Variants in PTPRD observed in about 807,000 individuals in gnomAD.
PTPRD encodes receptor-type tyrosine-protein phosphatase delta.
In PTPRD, 34 loss-of-function variants were observed where a neutral mutation model predicts 214.5. The observed-to-expected ratio is 0.16, with a 90% CI of 0.12 to 0.21. PTPRD has a LOEUF of 0.21. PTPRD is among the 10% of genes least tolerant of loss of function. The pLI is 1.00. For missense variants in PTPRD, 2,545 were observed against 2,398.7 expected, an observed-to-expected ratio of 1.06 and a Z score of -1.27; for synonymous variants, 1,128 against 845.7, an observed-to-expected ratio of 1.33 and a Z score of -5.79.
At chr9:8,987,676 C>G (rs920907603) in intron 11 of PTPRD, among the ~76,000 whole-genome samples, 1 of 151,982 alleles carries the variant, frequency 6.6e-6, no homozygotes, top group Non-Finnish European at 1.5e-5. Context: ...TACAATAACA[C>G]AATGAATGTG....
At chr9:8,565,851 C>G (rs984110851) in intron 14 of PTPRD, among the ~76,000 whole-genome samples, 2 of 152,080 alleles carry the variant, frequency 1.3e-5, no homozygotes, top group Admixed American at 6.6e-5. Flanking sequence ...CAAAAGCATA[C>G]CTTTTGGAAC....
chr9:10,512,029 TG>T (rs2048416866), intron 2 of PTPRD, among the ~76,000 whole-genome samples: 2 of 54,998 alleles, frequency 3.6e-5, no homozygotes, highest in African/African-American at 2.1e-4. Context: ...TATATATATA[TG>T]TATATATATA....
At chr9:9,807,269 C>T (rs941868512) in intron 5 of PTPRD, among the ~76,000 whole-genome samples, 1 of 152,120 alleles carries the variant, frequency 6.6e-6, no homozygotes, top group Admixed American at 6.6e-5. Context: ...GGAAGATACC[C>T]TACAAATGTG....
chr9:10,554,512 T>G (rs2062030088), intron 2 of PTPRD, among the ~76,000 whole-genome samples: 1 of 152,160 alleles, frequency 6.6e-6, no homozygotes, highest in East Asian at 1.9e-4. Context: ...TATCCACAGT[T>G]TTTTCTTTAA....
chr9:8,534,074 G>A (rs913422401), intron 14 of PTPRD, among the ~76,000 whole-genome samples: 1 of 151,926 alleles, frequency 6.6e-6, no homozygotes, highest in African/African-American at 2.4e-5. Context: ...ACAATCTTTA[G>A]TTTCGTCAGC....
At chr9:9,161,025 G>C (rs1211671049) in intron 10 of PTPRD, among the ~76,000 whole-genome samples, 1 of 152,118 alleles carries the variant, frequency 6.6e-6, no homozygotes, top group Non-Finnish European at 1.5e-5. Context: ...GATTACCAGA[G>C]CCTGGGATAT....
At chr9:8,930,617 G>A (rs935866936) in intron 11 of PTPRD, among the ~76,000 whole-genome samples, 4 of 152,086 alleles carry the variant, frequency 2.6e-5, no homozygotes, top group Non-Finnish European at 5.9e-5. Flanking sequence ...ATCCTCTCCA[G>A]CACCTGTTGT....
intron 7 of PTPRD, among the ~76,000 whole-genome samples, chr9:9,675,831 C>A (rs1020866024): frequency 1.4e-4 from 22 of 151,864 alleles, no homozygotes; most frequent in African/African-American, 5.3e-4. Flanking sequence ...AAACATCGAC[C>A]TAATCTTAAT....
chr9:10,418,189 CT>C (rs2154514689), intron 2 of PTPRD, among the ~76,000 whole-genome samples: 1 of 151,864 alleles, frequency 6.6e-6, no homozygotes, highest in East Asian at 2.0e-4. Flanking sequence ...AATTTCTTCA[CT>C]GACAAAAGCA....
intron 7 of PTPRD, among the ~76,000 whole-genome samples, chr9:9,607,815 G>T (rs936457235): frequency 4.6e-5 from 7 of 151,828 alleles, no homozygotes; most frequent in African/African-American, 1.7e-4. Flanking sequence ...CCGAAGGCTT[G>T]CCCCAAAAGA....
intron 3 of PTPRD, among the ~76,000 whole-genome samples, chr9:10,229,360 C>A (rs1311867030): frequency 6.6e-6 from 1 of 151,888 alleles, no homozygotes; most frequent in African/African-American, 2.4e-5. Context: ...GGGTATATAC[C>A]CAAAGGACTA....
intron 11 of PTPRD, among the ~76,000 whole-genome samples, chr9:8,787,391 C>T (rs935292606): frequency 8.5e-5 from 13 of 152,184 alleles, no homozygotes; most frequent in Non-Finnish European, 1.3e-4. Flanking sequence ...AAACATCCCT[C>T]ATTTCTGACG....
chr9:8,945,662 G>A (rs886879806), intron 11 of PTPRD, among the ~76,000 whole-genome samples: 3 of 152,014 alleles, frequency 2.0e-5, no homozygotes, highest in Admixed American at 1.3e-4. Flanking sequence ...TTACCTCACT[G>A]TCTTTTTCCT....
At chr9:8,702,524 G>C (rs1353970223) in intron 12 of PTPRD, among the ~76,000 whole-genome samples, 1 of 152,182 alleles carries the variant, frequency 6.6e-6, no homozygotes, top group African/African-American at 2.4e-5. Context: ...AACAAGGACA[G>C]TTGGGAGTTT....
At chr9:8,963,036 T>C (rs2099167153) in intron 11 of PTPRD, 1 of 151,944 alleles carries the variant, frequency 6.6e-6, no homozygotes, top group Non-Finnish European at 1.5e-5. Flanking sequence ...ATGTATAAAA[T>C]ATACAATGGA....
chr9:9,720,132 G>A (rs2097910639), intron 7 of PTPRD, among the ~76,000 whole-genome samples: 1 of 152,164 alleles, frequency 6.6e-6, no homozygotes, highest in African/African-American at 2.4e-5. Flanking sequence ...GACCCCAGAT[G>A]TTTCCAGCTG....
intron 2 of PTPRD, among the ~76,000 whole-genome samples, chr9:10,372,716 G>T (rs1031291525): frequency 6.6e-6 from 1 of 152,024 alleles, no homozygotes; most frequent in Non-Finnish European, 1.5e-5. Context: ...GTCGCTTCAT[G>T]AGTTTGCAAT....
intron 11 of PTPRD, among the ~76,000 whole-genome samples, chr9:8,784,891 C>A (rs921234375): frequency 6.6e-6 from 1 of 152,150 alleles, no homozygotes. Flanking sequence ...GCGAGCCCCT[C>A]AAAAACAAAC....
chr9:8,833,744 ACACG>A (rs2097351262), intron 11 of PTPRD, among the ~76,000 whole-genome samples: 1 of 150,006 alleles, frequency 6.7e-6, no homozygotes. Context: ...ACACACACAC[ACACG>A]ATTCTATATA....
Sources: allele counts gnomAD v4.1 joint callset (sites outside exome capture counted in the v4.1 genomes callset), GRCh38; gene constraint gnomAD v4.1.1; transcripts MANE v1.5; gene names NCBI Gene and HGNC (gene_info 2026-07-23, HGNC 2026-07-21).